Variants in MED15 observed in about 807,000 individuals in gnomAD.
MED15 encodes the protein mediator complex subunit 15.
In MED15, 41 loss-of-function variants were observed where a neutral mutation model predicts 118.7. The observed-to-expected ratio is 0.35, with a 90% CI of 0.27 to 0.45. The LOEUF is 0.45. Ranked by LOEUF, MED15 falls within the 20% of genes least tolerant of loss-of-function variation. The pLI is 1.00. For missense variants in MED15, 740 were observed against 1,025.5 expected (o/e 0.72, Z 3.80); for synonymous variants, 436 against 413.9 (o/e 1.05, Z -0.65).
At chr22:20,583,038 G>C in intron 11 of MED15, 71 bp downstream of exon 11, 1 of 1,569,880 alleles carries the variant, frequency 6.4e-7, no homozygotes, top group Non-Finnish European at 8.7e-7. Context: ...GGGTGTGCGA[G>C]CTCTGGGGCC....
chr22:20,535,383 A>G (rs539773698), intron 1 of MED15, among the ~76,000 whole-genome samples: 145 of 152,306 alleles, frequency 9.5e-4, no homozygotes, highest in African/African-American at 3.5e-3. Flanking sequence ...TAAGAATCAC[A>G]GTCATATTGC....
intron 17 of MED15, 37 bp from the exon 18 acceptor site, chr22:20,586,531 C>T (rs757850965): frequency 9.4e-6 from 15 of 1,602,178 alleles, no homozygotes; most frequent in Admixed American, 1.7e-5. Flanking sequence ...AGCGCAGCGC[C>T]GGCCGCCTTA....
In MED15 at chr22:20,568,401, TCATGAAAGTCC is replaced by T; in HGVS notation, c.1042-116_1042-106del. ...TAAGGTGACATCACAGCACATGAGGTCATGAAAGTCCCATTCCTCACCTCAAGAAAGGCTCC... is the reference window on the plus strand; with the variant it reads ...TAAGGTGACATCACAGCACATGAGGTCATTCCTCACCTCAAGAAAGGCTCC... On this transcript the variant is annotated intron_variant, in intron 7 of 17. Transcript: ENST00000263205. 2.1e-6 allele frequency: 3 copies of T among 1,429,768 alleles called. No homozygotes were observed. In the East Asian group the frequency reaches 7.5e-5, roughly 36 times the overall value. 88.6% of individuals were successfully genotyped at this position (1,429,768 alleles called of 1,614,324 possible). A position where few individuals can be genotyped will look rare whatever the true frequency, so the allele number is the denominator to read the frequency against.
Position 20,582,888 on chromosome 22 carries a change from G to A in MED15, c.1458G>A (p.Pro486=), listed in dbSNP as rs187462900. Residue 486 remains proline, a synonymous_variant, in exon 11 of 18, where the codon CCG becomes CCA. Transcript: ENST00000263205. ...GTAGCTTCCTGCCCAGCCCCTCACC[G>A]CAGCCCTCCCAGAGCCCAGTGACGG... ...SPSSFLPSPS[P]QPSQSPVTAR... is the part of the protein sequence containing the mutation. 169 of 1,613,304 alleles carry A rather than the reference G, an allele frequency of 1.0e-4. No homozygotes were observed. In the East Asian group the frequency reaches 2.3e-3, roughly 21 times the overall value.
At chr22:20,582,398 C>A in intron 9 of MED15, 1 of 730,206 alleles carries the variant, frequency 1.4e-6, no homozygotes, top group Non-Finnish European at 2.2e-6. Context: ...GCTGCCCTGC[C>A]TGGGCCCCCC....
rs372456852 is a variant in MED15 at position 20,575,172 on chromosome 22, C to G, written c.1212C>G (p.Thr404=). The G allele has an allele frequency of 2.9e-5, 47 of 1,614,082 alleles. No homozygotes were observed. The highest frequency in any genetic ancestry group is 5.1e-6 in the Non-Finnish European group (6 of 1,180,050). The change falls in exon 9 of 18, where the codon ACC becomes ACG. Residue 404 remains threonine, a synonymous_variant. Coordinates refer to ENST00000263205, the MANE Select transcript of MED15 (RefSeq NM_001003891.3). ...GMHIRARFPP[T]TAVSAIPSSS... ...ACATAAGAGCCCGGTTCCCGCCTAC[C>G]ACCGCTGTGTCCGCCATCCCGTCAA...
chr22:20,584,305 C>T (rs911320439), intron 13 of MED15, 54 bp from the exon 14 acceptor site: 1 of 1,576,790 alleles, frequency 6.3e-7, no homozygotes, highest in Non-Finnish European at 8.7e-7. Flanking sequence ...GGATCCTGAG[C>T]CTGAGAACTG....
chr22:20,568,563 C>G lies in MED15; in HGVS notation c.1084C>G (p.Gln362Glu). 6.2e-7 allele frequency: 1 copy of G among 1,613,892 alleles called. No homozygotes were observed. The change falls in exon 8 of 18, where the codon CAG (glutamine) becomes GAG (glutamate). Residue 362 changes from glutamine to glutamate, a missense_variant. Physicochemically the swap from Gln to Glu is conservative, Grantham distance 29. Coordinates refer to ENST00000263205, the MANE Select transcript of MED15 (RefSeq NM_001003891.3). ...MVVQQPPVQP[Q>E]VQQQQTAVQT... ...GGTGCAGCAGCCCCCAGTGCAGCCC[C>G]AGGTGCAGCAGCAGCAGACAGCAGT...
At chr22:20,586,517 A>G (rs2057139872) in intron 17 of MED15, 51 bp from the exon 18 acceptor site, 3 of 1,593,002 alleles carry the variant, frequency 1.9e-6, no homozygotes, top group South Asian at 1.1e-5. Context: ...GTGTGCCAGG[A>G]GCGAGCGCAG....
At chr22:20,511,498 G>GAA (rs35887140) in intron 1 of MED15, among the ~76,000 whole-genome samples, 37 of 142,690 alleles carry the variant, frequency 2.6e-4, no homozygotes, top group Middle Eastern at 3.5e-3. Context: ...CTCAAAAAAA[G>GAA]AAAAAAAAAA....
intron 2 of MED15, among the ~76,000 whole-genome samples, chr22:20,542,416 G>A (rs963951458): frequency 1.3e-5 from 2 of 152,216 alleles, no homozygotes; most frequent in Non-Finnish European, 2.9e-5. Flanking sequence ...GCTGATACAT[G>A]CTACAACATG....
Position 20,566,838 on chromosome 22 carries a change from G to A in MED15, c.1041+21G>A, listed in dbSNP as rs896150355. 3 of 1,609,070 alleles carry A rather than the reference G, an allele frequency of 1.9e-6. No homozygotes were observed. In the Admixed American group the frequency reaches 5.0e-5, roughly 27 times the overall value. On this transcript the variant is annotated intron_variant, in intron 7 of 17. Coordinates refer to ENST00000263205, the MANE Select transcript of MED15 (RefSeq NM_001003891.3). ...AATTTGTGAGTACCTGTGGCCCACA[G>A]TGGAGCACATGCAGCCCGTGGCTCT...
At chr22:20,512,149 T>A (rs1324438569) in intron 1 of MED15, among the ~76,000 whole-genome samples, 7 of 150,962 alleles carry the variant, frequency 4.6e-5, no homozygotes, top group African/African-American at 7.3e-5. Context: ...CCACCACGCC[T>A]GACTGATTTT....
In MED15 at chr22:20,550,331, C is replaced by T. The variant is rs572601243; in HGVS notation, c.157-1105C>T. 2.3e-4 allele frequency among the ~76,000 whole-genome samples: 35 copies of T among 152,308 alleles called. 1 individual carries two copies. The highest frequency in any genetic ancestry group is 6.8e-3 in the Middle Eastern group (2 of 294). On this transcript the variant is annotated intron_variant, in intron 2 of 17. Coordinates refer to ENST00000263205, the MANE Select transcript of MED15 (RefSeq NM_001003891.3). ...GTTCTGGCCAGGCCTCGCTGCTTAT[C>T]CCAGCTTTTCCTCTCCCCTGGGCCT...
At chr22:20,538,115 C>T (rs921565026) in intron 2 of MED15, among the ~76,000 whole-genome samples, 18 of 152,236 alleles carry the variant, frequency 1.2e-4, no homozygotes, top group African/African-American at 4.1e-4. Context: ...TTGGAACATT[C>T]ATTAATAAAT....
intron 2 of MED15, among the ~76,000 whole-genome samples, chr22:20,547,352 T>G (rs1319283144): frequency 6.6e-6 from 1 of 152,230 alleles, no homozygotes; most frequent in East Asian, 1.9e-4. Flanking sequence ...TTTTAGTTTA[T>G]TTGGAATGTT....
intron 8 of MED15, 113 bp from the exon 9 acceptor site, chr22:20,575,000 T>A: frequency 6.6e-7 from 1 of 1,519,784 alleles, no homozygotes; most frequent in Non-Finnish European, 8.9e-7. Flanking sequence ...CTGCCCAAGC[T>A]TTCCTTGCCC....
At chr22:20,536,821 G>A (rs1224668896) in intron 1 of MED15, among the ~76,000 whole-genome samples, 2 of 152,176 alleles carry the variant, frequency 1.3e-5, no homozygotes, top group African/African-American at 4.8e-5. Context: ...CTGGTTGTGA[G>A]CCATCCCTAG....
chr22:20,547,484 A>C (rs1342842869), intron 2 of MED15, among the ~76,000 whole-genome samples: 1 of 152,196 alleles, frequency 6.6e-6, no homozygotes, highest in Non-Finnish European at 1.5e-5. Context: ...ACTGAGCAAA[A>C]GACAAGCCGG....
Sources: gnomAD v4.1 joint callset for allele counts (sites outside exome capture counted in the v4.1 genomes callset) on GRCh38, gnomAD v4.1.1 for gene constraint, MANE v1.5 for transcripts, NCBI Gene and HGNC (gene_info 2026-07-23, HGNC 2026-07-21) for gene names.